RARB: variants seen among roughly 807,000 people sequenced by gnomAD.
RARB encodes the protein HBV-activated protein.
A neutral mutation model predicts 51.9 loss-of-function variants in RARB; 17 were observed. The ratio of observed to expected loss-of-function variants is 0.33; its 90% CI spans 0.22 to 0.49. RARB has a LOEUF of 0.49. RARB is among the 20% of genes least tolerant of loss of function. The probability of loss-of-function intolerance (pLI) is 0.99; values close to 1 mark genes in which losing one functional copy is unlikely to be tolerated. For missense variants in RARB, 369 were observed against 550.8 expected (o/e 0.67, Z 3.30); for synonymous variants, 215 against 195.4 (o/e 1.10, Z -0.84).
intron 2 of RARB, among the ~76,000 whole-genome samples, chr3:24,959,715 G>T (rs548595021): frequency 1.3e-5 from 2 of 152,224 alleles, no homozygotes; most frequent in African/African-American, 4.8e-5. Flanking sequence ...AAAAGCCAGA[G>T]GATAATTGAC....
At chr3:25,549,788 C>G (rs1296640800) in intron 3 of RARB, among the ~76,000 whole-genome samples, 1 of 152,084 alleles carries the variant, frequency 6.6e-6, no homozygotes, top group African/African-American at 2.4e-5. Context: ...CTTTTCAACA[C>G]CTTTATGAGA....
At chr3:25,132,071 T>C (rs1186199512) in intron 3 of RARB, among the ~76,000 whole-genome samples, 2 of 151,912 alleles carry the variant, frequency 1.3e-5, no homozygotes, top group African/African-American at 4.8e-5. Context: ...TGACACATCT[T>C]GACACATTAC....
chr3:25,419,348 CT>C (rs2125505786), intron 5 of RARB, among the ~76,000 whole-genome samples: 1 of 152,226 alleles, frequency 6.6e-6, no homozygotes, highest in East Asian at 1.9e-4. Context: ...GTAGCATGTT[CT>C]GATTCCTATC....
At position 25,112,949 on chromosome 3, in the gene RARB, G is replaced by A. The variant is rs77774327; in HGVS notation, c.-327-19212G>A. 2.2e-3 allele frequency among the ~76,000 whole-genome samples: 328 copies of A among 152,166 alleles called. 1 individual carries two copies. The highest frequency in any genetic ancestry group is 7.8e-3 in the African/African-American group (324 of 41,534). On this transcript the variant is annotated intron_variant, in intron 3 of 11. Coordinates refer to the RARB transcript ENST00000383772. The stretch of plus-strand genomic sequence containing the variant: ...CCTTAAATTTTTTCTGAATTTTCGG[G>A]TATTTTTATTTAGTATAGATCTGAT...
At chr3:25,518,056 C>T (rs570595801) in intron 3 of RARB, among the ~76,000 whole-genome samples, 2 of 152,234 alleles carry the variant, frequency 1.3e-5, no homozygotes, top group South Asian at 2.1e-4. Context: ...GACTGTTTCA[C>T]AATTTGTGAA....
chr3:25,379,532 G>A (rs1034484864), intron 5 of RARB, among the ~76,000 whole-genome samples: 16 of 152,130 alleles, frequency 1.1e-4, no homozygotes, highest in Admixed American at 7.2e-4. Flanking sequence ...TGGTTATAAC[G>A]TGCTATGCAA....
chr3:24,880,504 T>G (rs1307953259), intron 2 of RARB, among the ~76,000 whole-genome samples: 1 of 152,166 alleles, frequency 6.6e-6, no homozygotes, highest in African/African-American at 2.4e-5. Context: ...TACCTATTTG[T>G]TCTTCTTAAT....
chr3:25,318,211 A>G (rs1019513676), intron 5 of RARB, among the ~76,000 whole-genome samples: 2 of 152,160 alleles, frequency 1.3e-5, no homozygotes, highest in Non-Finnish European at 2.9e-5. Flanking sequence ...CATCAGCACT[A>G]AATTCCATTC....
intron 5 of RARB, among the ~76,000 whole-genome samples, chr3:25,262,432 T>C (rs1006895124): frequency 5.3e-5 from 8 of 152,222 alleles, no homozygotes; most frequent in Admixed American, 3.3e-4. Flanking sequence ...ATTACAGTTC[T>C]GCATGTCTGA....
At chr3:25,443,655 G>A (rs1333978113) in intron 1 of RARB, among the ~76,000 whole-genome samples, 1 of 151,560 alleles carries the variant, frequency 6.6e-6, no homozygotes, top group East Asian at 1.9e-4. Context: ...TAAAGGACCG[G>A]TTGCGGTGGC....
chr3:25,176,349 C>T (rs1700748995), intron 5 of RARB, among the ~76,000 whole-genome samples: 1 of 89,612 alleles, frequency 1.1e-5, no homozygotes. Flanking sequence ...TTCCTTCCTT[C>T]CTTCCTTCCT....
At chr3:24,910,668 A>G (rs1018868827) in intron 2 of RARB, among the ~76,000 whole-genome samples, 1 of 152,006 alleles carries the variant, frequency 6.6e-6, no homozygotes, top group African/African-American at 2.4e-5. Flanking sequence ...TGGAGACTCC[A>G]TTTCCTTCCA....
At chr3:25,257,841 C>T (rs377095440) in intron 5 of RARB, among the ~76,000 whole-genome samples, 83 of 152,076 alleles carry the variant, frequency 5.5e-4, no homozygotes, top group African/African-American at 1.9e-3. Flanking sequence ...TTAAAACACC[C>T]CAAATACCAT....
chr3:24,904,981 G>A (rs1221094835), intron 2 of RARB, among the ~76,000 whole-genome samples: 10 of 152,198 alleles, frequency 6.6e-5, no homozygotes, highest in Admixed American at 6.5e-4. Flanking sequence ...CATGGGCACA[G>A]GGAGGGGAAC....
chr3:25,503,725 T>A (rs556288858), intron 3 of RARB, among the ~76,000 whole-genome samples: 1 of 152,334 alleles, frequency 6.6e-6, no homozygotes, highest in South Asian at 2.1e-4. Context: ...TCTAATTGGA[T>A]ATTTTTAAAG....
At chr3:25,518,689 G>C (rs1575481274) in intron 3 of RARB, among the ~76,000 whole-genome samples, 5 of 152,182 alleles carry the variant, frequency 3.3e-5, no homozygotes, top group Admixed American at 3.3e-4. Context: ...CTTTAAAATA[G>C]TTCTCCTTCA....
chr3:25,209,320 A>G (rs1340677929), intron 5 of RARB, among the ~76,000 whole-genome samples: 1 of 152,232 alleles, frequency 6.6e-6, no homozygotes, highest in Non-Finnish European at 1.5e-5. Context: ...CTTTGGAAGC[A>G]TGAGCACCTT....
At chr3:25,362,516 G>T (rs1201260930) in intron 5 of RARB, among the ~76,000 whole-genome samples, 2 of 152,190 alleles carry the variant, frequency 1.3e-5, no homozygotes, top group African/African-American at 4.8e-5. Flanking sequence ...GGCGCCACAG[G>T]GGTATGGAAA....
intron 2 of RARB, among the ~76,000 whole-genome samples, chr3:25,040,227 T>C (rs931294139): frequency 1.3e-5 from 2 of 152,206 alleles, no homozygotes; most frequent in East Asian, 1.9e-4. Context: ...TCTATAGTGA[T>C]GGAAAGGAGA....
Sources: allele counts gnomAD v4.1 joint callset (sites outside exome capture counted in the v4.1 genomes callset), GRCh38; gene constraint gnomAD v4.1.1; transcripts MANE v1.5; gene names NCBI Gene and HGNC (gene_info 2026-07-23, HGNC 2026-07-21).